Variants in AJAP1 observed in about 807,000 individuals in gnomAD.
The protein encoded by AJAP1 is adherens junctions associated protein 1, also known as adherens junction-associated protein 1.
In AJAP1, 5 loss-of-function variants were observed where a neutral mutation model predicts 35.0. The observed-to-expected ratio is 0.14, with a 90% CI of 0.07 to 0.30. The LOEUF (loss-of-function observed/expected upper bound fraction) is 0.30. Ranked by LOEUF, AJAP1 falls within the 10% of genes least tolerant of loss-of-function variation. The pLI, the probability that AJAP1 is intolerant of heterozygous loss-of-function variation, is 1.00. For synonymous variants in AJAP1, 284 were observed against 249.3 expected (o/e 1.14, Z -1.31); for missense variants, 586 against 571.0 (o/e 1.03, Z -0.27).
Position 4,787,740 on chromosome 1 carries a change from G to T in AJAP1, c.*5255G>T, listed in dbSNP as rs1215698417. On this transcript the variant is annotated 3_prime_UTR_variant, in exon 6 of 6. Transcript: ENST00000378191. ...GCCAAGCAGGTCTCAGGTCAGCCAG[G>T]TCTCAAGGAGGATAAGGGGGTTCAA... is the stretch of plus-strand genomic sequence containing the variant. 1 of 456,112 alleles carries T rather than the reference G, an allele frequency of 2.2e-6. No homozygotes were observed. Among genetic ancestry groups the T allele is most frequent in the Non-Finnish European group, 4.4e-6 (1 of 226,914 alleles). The allele number at this position is 456,112 out of a possible 1,614,324, so 28.3% of individuals were successfully genotyped here.
intron 1 of AJAP1, among the ~76,000 whole-genome samples, chr1:4,669,904 T>C (rs910270956): frequency 6.6e-6 from 1 of 152,238 alleles, no homozygotes; most frequent in African/African-American, 2.4e-5. Context: ...TTTCGGTCCC[T>C]GTTTTTGATC....
chr1:4,769,013 C>T (rs1052870843), intron 2 of AJAP1, among the ~76,000 whole-genome samples: 2 of 152,194 alleles, frequency 1.3e-5, no homozygotes, highest in African/African-American at 4.8e-5. Flanking sequence ...TCCCTGCTTT[C>T]TGCCATCGTG....
intron 1 of AJAP1, among the ~76,000 whole-genome samples, chr1:4,677,883 C>G (rs955418172): frequency 3.9e-5 from 6 of 152,194 alleles, no homozygotes; most frequent in African/African-American, 1.4e-4. Context: ...AGTTGGAATG[C>G]CAACTCACTA....
Position 4,790,617 on chromosome 1 carries a change from G to A in AJAP1, c.*8132G>A, listed in dbSNP as rs539859159. The A allele has an allele frequency of 1.4e-3, 210 of 152,294 alleles. 1 individual carries two copies. Among genetic ancestry groups the A allele is most frequent in the African/African-American group, 4.8e-3 (201 of 41,552 alleles). 9.4% of individuals were successfully genotyped at this position (152,294 alleles called of 1,614,324 possible). A position where few individuals can be genotyped will look rare whatever the true frequency, so the allele number is the denominator to read the frequency against. On this transcript the variant is annotated 3_prime_UTR_variant, in exon 6 of 6. Transcript: ENST00000378191. ...GTTCTATTTCTTGTTTTTCACTAGC[G>A]TTTGCGTTGCTTCCTCTGAAGCCAG...
intron 2 of AJAP1, among the ~76,000 whole-genome samples, chr1:4,733,227 T>C (rs2100301731): frequency 6.6e-6 from 1 of 151,792 alleles, no homozygotes; most frequent in South Asian, 2.1e-4. Context: ...ATTTTTAAAA[T>C]GCAATGCCGC....
chr1:4,758,091 T>C (rs547241218), intron 2 of AJAP1, among the ~76,000 whole-genome samples: 1 of 152,056 alleles, frequency 6.6e-6, no homozygotes, highest in African/African-American at 2.4e-5. Flanking sequence ...AAGAAGGACA[T>C]GTTTGCCTCC....
intron 2 of AJAP1, among the ~76,000 whole-genome samples, chr1:4,768,642 A>G (rs1287477476): frequency 6.6e-6 from 1 of 152,206 alleles, no homozygotes; most frequent in African/African-American, 2.4e-5. Context: ...AGACACCAAG[A>G]TGGAGCCCCA....
At chr1:4,762,321 T>G (rs1641584794) in intron 2 of AJAP1, among the ~76,000 whole-genome samples, 1 of 152,194 alleles carries the variant, frequency 6.6e-6, no homozygotes, top group African/African-American at 2.4e-5. Flanking sequence ...CTGAGAAGTG[T>G]CTTTTTTGCC....
chr1:4,697,674 A>T (rs1391463385), intron 1 of AJAP1, among the ~76,000 whole-genome samples: 1 of 152,178 alleles, frequency 6.6e-6, no homozygotes, highest in African/African-American at 2.4e-5. Context: ...CCATCTCCAA[A>T]ACGCCAGCCC....
chr1:4,735,495 G>A (rs970585162), intron 2 of AJAP1, among the ~76,000 whole-genome samples: 61 of 152,302 alleles, frequency 4.0e-4, no homozygotes, highest in African/African-American at 1.4e-3. Flanking sequence ...CCACTGCACC[G>A]GGTGGGCAGC....
intron 1 of AJAP1, among the ~76,000 whole-genome samples, chr1:4,682,269 C>A (rs1639500082): frequency 3.3e-5 from 5 of 152,182 alleles, no homozygotes; most frequent in African/African-American, 4.8e-5. Context: ...CTGATCAGTG[C>A]TGTTGTAGTT....
intron 2 of AJAP1, among the ~76,000 whole-genome samples, chr1:4,717,480 G>A (rs748207380): frequency 3.3e-5 from 5 of 152,314 alleles, no homozygotes; most frequent in South Asian, 2.1e-4. Context: ...AATCAGTCAC[G>A]TATTCGTGAC....
intron 1 of AJAP1, among the ~76,000 whole-genome samples, chr1:4,658,004 A>G (rs1217380321): frequency 2.0e-5 from 3 of 152,056 alleles, no homozygotes; most frequent in East Asian, 1.9e-4. Context: ...TCACCCGTGG[A>G]GGAGGCGCGT....
chr1:4,684,432 A>G (rs1396453153), intron 1 of AJAP1, among the ~76,000 whole-genome samples: 4 of 152,092 alleles, frequency 2.6e-5, no homozygotes, highest in African/African-American at 9.7e-5. Context: ...ATCATGGGCT[A>G]CAGGAAGGAG....
chr1:4,780,781 G>A (rs569853803), intron 5 of AJAP1, among the ~76,000 whole-genome samples: 6 of 151,868 alleles, frequency 4.0e-5, no homozygotes, highest in African/African-American at 7.2e-5. Flanking sequence ...ACAGGTGTGC[G>A]CCCCCATGCC....
chr1:4,751,987 T>G (rs1641329866), intron 2 of AJAP1, among the ~76,000 whole-genome samples: 1 of 152,120 alleles, frequency 6.6e-6, no homozygotes, highest in Non-Finnish European at 1.5e-5. Context: ...GCCAGGCACC[T>G]GGCATCTGGC....
intron 3 of AJAP1, 23 bp from the exon 4 acceptor site, chr1:4,772,245 GCCCGTCCCCCTA>G: frequency 6.2e-7 from 1 of 1,610,768 alleles, no homozygotes; most frequent in Non-Finnish European, 8.5e-7. Context: ...TCCGGCCTCT[GCCCGTCCCCCTA>G]CCCCAAACTC....
Position 4,693,389 on chromosome 1 carries a change from G to T in AJAP1, c.30-18511G>T, listed in dbSNP as rs575203762. On this transcript the variant is annotated intron_variant, in intron 1 of 5. Coordinates refer to ENST00000378191, the MANE Select transcript of AJAP1 (RefSeq NM_018836.4). This position sits in a 1 kb window ranked among gnomAD's most constrained non-coding sequence, Gnocchi z 4.4. Reference sequence around the variant, plus strand: ...GGAGGGCTTCCTGGAGGCAGGGGGCGGGGGGAGGGATTGGAGGAGGCCTAA... The same window carrying T: ...GGAGGGCTTCCTGGAGGCAGGGGGCTGGGGGAGGGATTGGAGGAGGCCTAA... Among the ~76,000 whole-genome samples the T allele has an allele frequency of 1.4e-5, 2 of 142,018 alleles. No individual in the cohort carries two copies. The highest frequency in any genetic ancestry group is 5.0e-5 in the African/African-American group (2 of 39,952). The allele number at this position is 142,018 out of a possible 152,430, so 93.2% of individuals were successfully genotyped here.
intron 2 of AJAP1, among the ~76,000 whole-genome samples, chr1:4,717,641 C>T (rs1303878134): frequency 1.3e-5 from 2 of 152,152 alleles, no homozygotes; most frequent in Non-Finnish European, 2.9e-5. Context: ...CTTCCATGTC[C>T]TTTAGGTATG....
Sources: gnomAD v4.1 joint callset for allele counts (sites outside exome capture counted in the v4.1 genomes callset) on GRCh38, gnomAD v4.1.1 for gene constraint, Gnocchi (gnomAD v3.1) non-coding constraint, MANE v1.5 for transcripts, NCBI Gene and HGNC (gene_info 2026-07-23, HGNC 2026-07-21) for gene names.